GFOD1: variants seen among roughly 807,000 people sequenced by gnomAD.
GFOD1 encodes the protein glucose-fructose oxidoreductase domain-containing protein 1.
A neutral mutation model predicts 25.4 loss-of-function variants in GFOD1; 9 were observed. That is an observed-to-expected ratio of 0.35 (90% CI 0.21 to 0.62). GFOD1 has a LOEUF of 0.62. GFOD1 is among the 20% of genes least tolerant of loss of function. The pLI is 0.72. For synonymous variants in GFOD1, 253 were observed against 245.6 expected, an observed-to-expected ratio of 1.03 and a Z score of -0.28; for missense variants, 403 against 556.9, an observed-to-expected ratio of 0.72 and a Z score of 2.78.
intron 1 of GFOD1, among the ~76,000 whole-genome samples, chr6:13,381,052 G>A (rs189417793): frequency 6.6e-6 from 1 of 152,172 alleles, no homozygotes. Context: ...TGAGATGGGG[G>A]TTTCAGCAAG....
At chr6:13,381,915 G>GCACACACACA (rs112808546) in intron 1 of GFOD1, among the ~76,000 whole-genome samples, 7 of 140,052 alleles carry the variant, frequency 5.0e-5, no homozygotes, top group African/African-American at 1.8e-4. Context: ...ACGCGCGCGC[G>GCACACACACA]CACACACACA....
intron 1 of GFOD1, among the ~76,000 whole-genome samples, chr6:13,403,899 T>C (rs1190147441): frequency 5.9e-5 from 9 of 152,216 alleles, no homozygotes; most frequent in Admixed American, 5.9e-4. Context: ...CTAATGGATA[T>C]ATGGTTTATT....
At chr6:13,470,739 C>G in intron 1 of GFOD1, 1 of 1,396,036 alleles carries the variant, frequency 7.2e-7, no homozygotes, top group Non-Finnish European at 9.4e-7. Context: ...GCCAGGGACA[C>G]ATTTAAATAA....
Position 13,385,193 on chromosome 6 carries a change from G to A in GFOD1, c.254-19531C>T, listed in dbSNP as rs958634177. 3.3e-5 allele frequency among the ~76,000 whole-genome samples: 5 copies of A among 152,210 alleles called. 1 individual carries two copies. Among genetic ancestry groups the A allele is most frequent in the Admixed American group, 2.6e-4 (4 of 15,280 alleles). ...CAATACTGGGGCCAGCAGAGGAGGT[G>A]TGTGTCCGGTGTGAGGTTGACAGTC... is the stretch of plus-strand genomic sequence containing the variant. On this transcript the variant is annotated intron_variant, in intron 1 of 1. Coordinates refer to ENST00000379287, the MANE Select transcript of GFOD1 (RefSeq NM_018988.4).
rs1758888213 is a variant in GFOD1, at chr6:13,487,009, A to G, written c.-119T>C. The G allele has an allele frequency of 2.3e-6, 3 of 1,291,800 alleles. No homozygotes were observed. Among genetic ancestry groups the G allele is most frequent in the Non-Finnish European group, 2.1e-6 (2 of 955,864 alleles). 80.0% of individuals were successfully genotyped at this position (1,291,800 alleles called of 1,614,324 possible). A position where few individuals can be genotyped will look rare whatever the true frequency, so the allele number is the denominator to read the frequency against. Reference sequence around the variant, plus strand: ...GTAGCCAATCTAGCCGCGGTGCGCCAGCCGCCGTGCACCGGGCAAGGCGCC... The same window carrying G: ...GTAGCCAATCTAGCCGCGGTGCGCCGGCCGCCGTGCACCGGGCAAGGCGCC... On this transcript the variant is annotated 5_prime_UTR_variant, in exon 1 of 2. Coordinates refer to ENST00000379287, the MANE Select transcript of GFOD1 (RefSeq NM_018988.4). This position sits in a 1 kb window ranked among gnomAD's most constrained non-coding sequence, Gnocchi z 4.9.
intron 1 of GFOD1, chr6:13,470,718 A>G (rs1758484145): frequency 4.2e-6 from 6 of 1,434,222 alleles, no homozygotes; most frequent in South Asian, 1.5e-5. Context: ...TGTGGGAGAT[A>G]AGAAGAGCCT....
At chr6:13,396,919 C>T (rs1010591362) in intron 1 of GFOD1, among the ~76,000 whole-genome samples, 1 of 152,132 alleles carries the variant, frequency 6.6e-6, no homozygotes, top group Non-Finnish European at 1.5e-5. Context: ...CAATTTATTA[C>T]AACAGCAAGG....
rs139559252 is a variant in GFOD1 at position 13,433,707 on chromosome 6, T to G, written c.253+52931A>C. ...CCTTCATGTTGCATTCCCTCTCTCT[T>G]CAGTGCACTGAAGAGAGAGACATTG... On this transcript the variant is annotated intron_variant, in intron 1 of 1. Coordinates refer to ENST00000379287, the MANE Select transcript of GFOD1 (RefSeq NM_018988.4). 3.3e-4 allele frequency among the ~76,000 whole-genome samples: 50 copies of G among 152,186 alleles called. No homozygotes were observed. The East Asian group carries it at 8.3e-3, about 25-fold the overall frequency.
At chr6:13,484,928 C>G (rs1251718612) in intron 1 of GFOD1, among the ~76,000 whole-genome samples, 1 of 152,204 alleles carries the variant, frequency 6.6e-6, no homozygotes, top group East Asian at 1.9e-4. Context: ...CAGGGCTCAT[C>G]AGGGACCAGT....
At chr6:13,369,936 G>C (rs1785116252) in intron 1 of GFOD1, among the ~76,000 whole-genome samples, 1 of 136,870 alleles carries the variant, frequency 7.3e-6, no homozygotes, top group South Asian at 2.6e-4. Context: ...GGATTAGTAG[G>C]ATTATGATTG....
chr6:13,388,045 C>T (rs944802309), intron 1 of GFOD1, among the ~76,000 whole-genome samples: 5 of 152,148 alleles, frequency 3.3e-5, no homozygotes, highest in Non-Finnish European at 7.3e-5. Context: ...ACCTAGGAAT[C>T]CAACTTACAA....
chr6:13,365,162 C>A lies in GFOD1; in HGVS notation c.754G>T (p.Val252Leu). ...GCCAGCAGGCGCCCGGCTGAGCCCA[C>A]CACAGTGACATCCTGCTTGAACTCG... ...PGEFKQDVTV[V>L]GSAGRLLAVG... The change falls in exon 2 of 2, where the codon GTG becomes TTG. Residue 252 changes from valine to leucine, a missense_variant. Transcript: ENST00000379287. The surrounding 1 kb of genome is among the most constrained non-coding windows in gnomAD (Gnocchi z 9.2). The A allele has an allele frequency of 6.2e-7, 1 of 1,613,758 alleles. No individual in the cohort carries two copies.
At chr6:13,414,326 T>C (rs998687461) in intron 1 of GFOD1, among the ~76,000 whole-genome samples, 17 of 152,356 alleles carry the variant, frequency 1.1e-4, no homozygotes, top group Middle Eastern at 6.8e-3. Context: ...GAGCCAGGCT[T>C]GTGACGCAGG....
intron 1 of GFOD1, among the ~76,000 whole-genome samples, chr6:13,482,144 T>C (rs1287096681): frequency 6.7e-6 from 1 of 148,830 alleles, no homozygotes; most frequent in Non-Finnish European, 1.5e-5. Context: ...TGTATATCTA[T>C]AAATATGTTA....
chr6:13,390,761 A>AAGAGAG (rs70989852), intron 1 of GFOD1, among the ~76,000 whole-genome samples: 19 of 104,764 alleles, frequency 1.8e-4, no homozygotes, highest in Admixed American at 1.5e-3. Context: ...GAGAGAGAGA[A>AAGAGAG]AGAGAGAGAG....
chr6:13,374,393 T>G (rs1785216759), intron 1 of GFOD1, among the ~76,000 whole-genome samples: 1 of 148,722 alleles, frequency 6.7e-6, no homozygotes, highest in South Asian at 2.2e-4. Context: ...AACCTCCGCC[T>G]CCCAGGTTCA....
chr6:13,470,498 T>C lies in GFOD1; in HGVS notation c.253+16140A>G, dbSNP rs972773531. ...CCCCTGGGACTCTCCAAGAGCAGCA[T>C]CGTGGGGGGTAAACAAATGTCCCAT... is the stretch of plus-strand genomic sequence containing the variant. On this transcript the variant is annotated intron_variant, in intron 1 of 1. Coordinates refer to ENST00000379287, the MANE Select transcript of GFOD1 (RefSeq NM_018988.4). 5.2e-6 allele frequency: 8 copies of C among 1,549,886 alleles called. No homozygotes were observed. The East Asian group carries it at 1.7e-4, about 33-fold the overall frequency.
chr6:13,377,137 C>A (rs952709043), intron 1 of GFOD1, among the ~76,000 whole-genome samples: 1 of 151,944 alleles, frequency 6.6e-6, no homozygotes, highest in Non-Finnish European at 1.5e-5. Flanking sequence ...TGACAACACT[C>A]AGTTGTAGCT....
chr6:13,406,516 C>A (rs1210804941), intron 1 of GFOD1, among the ~76,000 whole-genome samples: 1 of 152,094 alleles, frequency 6.6e-6, no homozygotes, highest in South Asian at 2.1e-4. Flanking sequence ...GAGGGGAGGG[C>A]AGAAAGAAGA....
Sources: allele counts gnomAD v4.1 joint callset (sites outside exome capture counted in the v4.1 genomes callset), GRCh38; gene constraint gnomAD v4.1.1; non-coding constraint Gnocchi (gnomAD v3.1); transcripts MANE v1.5; gene names NCBI Gene and HGNC (gene_info 2026-07-23, HGNC 2026-07-21).